Variants in IKZF2 observed in about 807,000 individuals in gnomAD.
IKZF2 encodes IKAROS family zinc finger 2.
IKZF2 carries 15 observed loss-of-function variants against 49.2 expected under a neutral mutation model. That is an observed-to-expected ratio of 0.30 (90% CI 0.20 to 0.47). The LOEUF is 0.47. Ranked by LOEUF, IKZF2 falls within the 20% of genes least tolerant of loss-of-function variation. The pLI is 1.00. For synonymous variants in IKZF2, 227 were observed against 221.4 expected (o/e 1.03, Z -0.23); for missense variants, 567 against 664.6 (o/e 0.85, Z 1.61).
intron 6 of IKZF2, among the ~76,000 whole-genome samples, chr2:213,035,767 GA>G (rs772352487): frequency 3.9e-5 from 6 of 152,134 alleles, no homozygotes; most frequent in Non-Finnish European, 7.4e-5. Context: ...TTAGTAGTTT[GA>G]TTTTATTATA....
chr2:213,134,417 C>T (rs73079206), intron 4 of IKZF2, among the ~76,000 whole-genome samples: 4,442 of 152,254 alleles, frequency 0.029, 87 homozygotes, highest in South Asian at 0.058. Flanking sequence ...TTTAGGAATA[C>T]GACCAGTTAG....
In IKZF2 at chr2:213,001,929, T is replaced by TTACA. The variant is rs957009546; in HGVS notation, c.*5427_*5430dup. 1 of 151,880 alleles carries TTACA rather than the reference T, an allele frequency of 6.6e-6. No homozygotes were observed. The allele number at this position is 151,880 out of a possible 1,614,324, so 9.4% of individuals were successfully genotyped here. A position where few individuals can be genotyped will look rare whatever the true frequency, so the allele number is the denominator to read the frequency against. On this transcript the variant is annotated 3_prime_UTR_variant, in exon 9 of 9. Coordinates refer to ENST00000434687, the MANE Select transcript of IKZF2 (RefSeq NM_001387220.1). The stretch of plus-strand genomic sequence containing the variant: ...AAAAAAACCCAGATCCCTTCCCTTG[T>TTACA]TACAGTGTAGTCATTTTTTAAAAAA...
At chr2:213,016,036 G>C (rs958841002) in intron 7 of IKZF2, among the ~76,000 whole-genome samples, 1 of 152,064 alleles carries the variant, frequency 6.6e-6, no homozygotes, top group African/African-American at 2.4e-5. Context: ...CATGTGAACT[G>C]AAAATGATGA....
chr2:213,130,312 A>G (rs1341310833), intron 4 of IKZF2, among the ~76,000 whole-genome samples: 1 of 152,242 alleles, frequency 6.6e-6, no homozygotes, highest in Non-Finnish European at 1.5e-5. Flanking sequence ...AAAATACCAA[A>G]GCATGAGAGC....
At chr2:213,126,313 T>C (rs1314746860) in intron 4 of IKZF2, among the ~76,000 whole-genome samples, 2 of 152,172 alleles carry the variant, frequency 1.3e-5, no homozygotes, top group African/African-American at 4.8e-5. Context: ...GTTATGTGTG[T>C]TGATTTCTGC....
chr2:213,020,468 C>A (rs146113362), intron 7 of IKZF2, among the ~76,000 whole-genome samples: 48 of 152,054 alleles, frequency 3.2e-4, no homozygotes, highest in African/African-American at 1.0e-3. Flanking sequence ...GACTCCGAGA[C>A]GCACCATTTT....
At chr2:213,117,676 C>A (rs1373736633) in intron 4 of IKZF2, among the ~76,000 whole-genome samples, 1 of 152,200 alleles carries the variant, frequency 6.6e-6, no homozygotes, top group Non-Finnish European at 1.5e-5. Context: ...CCACTTGCAC[C>A]AGAAGGCTAA....
At chr2:213,142,322 T>G (rs2060904003) in intron 4 of IKZF2, among the ~76,000 whole-genome samples, 1 of 151,906 alleles carries the variant, frequency 6.6e-6, no homozygotes, top group African/African-American at 2.4e-5. Flanking sequence ...CTGCTTCAAT[T>G]TTTACCCTAA....
chr2:213,009,035 A>G (rs571311687), intron 8 of IKZF2, among the ~76,000 whole-genome samples: 21 of 152,174 alleles, frequency 1.4e-4, no homozygotes, highest in African/African-American at 4.6e-4. Context: ...AAACTCGGAA[A>G]ATCTTGTCTC....
intron 2 of IKZF2, 104 bp from the exon 3 acceptor site, chr2:213,148,748 C>T: frequency 1.1e-6 from 1 of 877,006 alleles, no homozygotes; most frequent in Non-Finnish European, 1.9e-6. Flanking sequence ...CATGTTGCTG[C>T]TGCCACCTGT....
chr2:213,109,904 T>C (rs931200206), intron 4 of IKZF2, among the ~76,000 whole-genome samples: 1 of 152,026 alleles, frequency 6.6e-6, no homozygotes, highest in Non-Finnish European at 1.5e-5. Flanking sequence ...AATTACACTG[T>C]TCAATATTAA....
At chr2:213,093,432 A>T (rs895766180) in intron 4 of IKZF2, among the ~76,000 whole-genome samples, 11 of 152,154 alleles carry the variant, frequency 7.2e-5, no homozygotes, top group Non-Finnish European at 1.5e-5. Context: ...CTCTACTGCT[A>T]TCTGAGTGGC....
At chr2:213,140,483 A>G (rs1007352271) in intron 4 of IKZF2, among the ~76,000 whole-genome samples, 2 of 151,940 alleles carry the variant, frequency 1.3e-5, no homozygotes, top group African/African-American at 4.8e-5. Context: ...TTAGCTAACA[A>G]CCTGTAATAA....
intron 4 of IKZF2, among the ~76,000 whole-genome samples, chr2:213,103,209 A>T (rs1001020439): frequency 4.6e-5 from 7 of 152,280 alleles, no homozygotes; most frequent in Admixed American, 4.6e-4. Flanking sequence ...GTAGCTAGTT[A>T]TTCCTTTGGG....
At chr2:213,147,889 C>T (rs1309631719) in intron 3 of IKZF2, 77 bp from the exon 4 acceptor site, 47 of 1,021,050 alleles carry the variant, frequency 4.6e-5, no homozygotes, top group African/African-American at 7.8e-5. Flanking sequence ...GCTTTATACA[C>T]GCAATGGCAT....
intron 4 of IKZF2, among the ~76,000 whole-genome samples, chr2:213,141,665 A>C (rs1177009905): frequency 6.6e-6 from 1 of 151,860 alleles, no homozygotes; most frequent in Non-Finnish European, 1.5e-5. Context: ...AAATATTTCC[A>C]AATGAGCACC....
intron 6 of IKZF2, among the ~76,000 whole-genome samples, chr2:213,035,728 G>C (rs964021685): frequency 2.0e-5 from 3 of 152,188 alleles, no homozygotes; most frequent in Non-Finnish European, 4.4e-5. Flanking sequence ...TCAGACAGTA[G>C]AAGTGGGCAG....
At chr2:213,136,708 T>C (rs1040813635) in intron 4 of IKZF2, among the ~76,000 whole-genome samples, 23 of 152,186 alleles carry the variant, frequency 1.5e-4, no homozygotes, top group African/African-American at 5.5e-4. Context: ...AATTTATTTT[T>C]TGTAAGAGAC....
chr2:213,118,555 G>T (rs2059950065), intron 4 of IKZF2, among the ~76,000 whole-genome samples: 1 of 152,196 alleles, frequency 6.6e-6, no homozygotes, highest in African/African-American at 2.4e-5. Flanking sequence ...GCAGTTGAAA[G>T]AATATTAATC....
Sources: gnomAD v4.1 joint callset for allele counts (sites outside exome capture counted in the v4.1 genomes callset) on GRCh38, gnomAD v4.1.1 for gene constraint, MANE v1.5 for transcripts, NCBI Gene and HGNC (gene_info 2026-07-23, HGNC 2026-07-21) for gene names.